Variants in SNX19 observed in about 807,000 individuals in gnomAD.
SNX19 encodes the protein sorting nexin 19.
Under a neutral mutation model 85.2 loss-of-function variants are expected in SNX19, and 60 were observed. The ratio of observed to expected loss-of-function variants is 0.70; its 90% CI spans 0.57 to 0.87. The LOEUF (loss-of-function observed/expected upper bound fraction) is 0.87, where lower values mean the gene tolerates loss of function less well. Among genes scored for constraint, SNX19 ranks in the 40% least tolerant of loss-of-function variants. The pLI is 0.00. For synonymous variants in SNX19, 520 were observed against 470.0 expected, an observed-to-expected ratio of 1.11 and a Z score of -1.38; for missense variants, 1,201 against 1,217.8, an observed-to-expected ratio of 0.99 and a Z score of 0.21.
chr11:130,880,886 C>T (rs933525755), intron 8 of SNX19, 80 bp from the exon 9 acceptor site: 1 of 1,217,604 alleles, frequency 8.2e-7, no homozygotes, highest in Non-Finnish European at 1.1e-6. Flanking sequence ...TGTTTATGTT[C>T]CCCTGCAGAT....
intron 8 of SNX19, chr11:130,895,147 G>A (rs1296694081): frequency 5.1e-6 from 5 of 985,342 alleles, no homozygotes; most frequent in Non-Finnish European, 6.0e-6. Flanking sequence ...TTGTGGAGGG[G>A]CGCTGCACTC....
intron 8 of SNX19, among the ~76,000 whole-genome samples, chr11:130,900,268 T>G (rs2135368014): frequency 6.6e-6 from 1 of 152,326 alleles, no homozygotes; most frequent in East Asian, 1.9e-4. Context: ...GCAGTGCCAC[T>G]GCACTCCAGC....
rs1376767852 is a variant in SNX19, at chr11:130,915,013, T to G, written c.927A>C (p.Ala309=). ...CACTGTAACTTAGGAATACTGGGGC[T>G]GCTACTGGAGAAGCTCTCCCTTCTG... is the stretch of plus-strand genomic sequence containing the variant. ...QLPEGRASPV[A]APVFLSYSEP... is the part of the protein sequence containing the mutation. The change falls in exon 1 of 11, where the codon GCA becomes GCC. Residue 309 remains alanine (A), a synonymous_variant. Transcript: ENST00000265909. The G allele has an allele frequency of 3.7e-6, 6 of 1,614,174 alleles. No homozygotes were observed. The highest frequency in any genetic ancestry group is 5.1e-6 in the Non-Finnish European group (6 of 1,180,014).
Position 130,916,051 on chromosome 11 carries a change from T to G in SNX19, c.-112A>C, listed in dbSNP as rs2074048899. Reference sequence around the variant, plus strand: ...AGATATGGGGCGATCTGGGTGCTGTTCAGGGAACCGGGGCTCCAGGCCCTC... The same window carrying G: ...AGATATGGGGCGATCTGGGTGCTGTGCAGGGAACCGGGGCTCCAGGCCCTC... On this transcript the variant is annotated 5_prime_UTR_variant, in exon 1 of 11. Transcript: ENST00000265909. 1.0e-6 allele frequency: 1 copy of G among 989,180 alleles called. No individual in the cohort carries two copies. The highest frequency in any genetic ancestry group is 1.7e-5 in the South Asian group (1 of 59,702). 61.3% of individuals were successfully genotyped at this position (989,180 alleles called of 1,614,324 possible).
chr11:130,912,435 A>G (rs943763847), intron 1 of SNX19, among the ~76,000 whole-genome samples: 13 of 152,236 alleles, frequency 8.5e-5, no homozygotes, highest in African/African-American at 3.1e-4. Context: ...CTTATATCTC[A>G]TGTTCCCCAA....
At position 130,896,968 on chromosome 11, in the gene SNX19, A is replaced by C. The variant is rs188626276; in HGVS notation, c.2573+6287T>G. 3.1e-4 allele frequency among the ~76,000 whole-genome samples: 47 copies of C among 151,060 alleles called. No individual in the cohort carries two copies. In the East Asian group the frequency reaches 6.5e-3, roughly 21 times the overall value. ...AGCGCCTTGATTCTGGAGCGTTCTA[A>C]GAGAACAGTGGAAGCAAGAGGGTTC... On this transcript the variant is annotated intron_variant, in intron 8 of 10. Coordinates refer to ENST00000265909, the MANE Select transcript of SNX19 (RefSeq NM_014758.3).
At chr11:130,890,970 T>G (rs896603503) in intron 8 of SNX19, among the ~76,000 whole-genome samples, 1 of 150,150 alleles carries the variant, frequency 6.7e-6, no homozygotes, top group Non-Finnish European at 1.5e-5. Flanking sequence ...GGTTACTAAG[T>G]GAATTCATGC....
At position 130,915,918 on chromosome 11, in the gene SNX19, G is replaced by C. The variant is rs1946556859; in HGVS notation, c.22C>G (p.Pro8Ala). Reference protein sequence around the residue: MKTETVPPFQETPAGSSC... With the variant: MKTETVPAFQETPAGSSC... ...GATCCAGCTGGAGTTTCCTGGAACG[G>C]TGGCACTGTTTCTGTCTTCATGGCT... The change falls in exon 1 of 11, where the codon CCG becomes GCG. Residue 8 changes from proline (P) to alanine (A), a missense_variant. Physicochemically the swap from Pro to Ala is conservative, Grantham distance 27. Around this residue, in one of 3 missense-constraint regions of SNX19, gnomAD observed 791 missense variants for 750.9 expected, o/e 1.05. Coordinates refer to ENST00000265909, the MANE Select transcript of SNX19 (RefSeq NM_014758.3). 1 of 1,613,848 alleles carries C rather than the reference G, an allele frequency of 6.2e-7. No homozygotes were observed. The highest frequency in any genetic ancestry group is 8.5e-7 in the Non-Finnish European group (1 of 1,179,866).
intron 8 of SNX19, among the ~76,000 whole-genome samples, chr11:130,898,152 G>GC (rs1555137554): frequency 6.7e-6 from 1 of 148,240 alleles, no homozygotes; most frequent in Non-Finnish European, 1.5e-5. Flanking sequence ...AACTTACTCT[G>GC]TTTTTTTTTT....
In SNX19 at chr11:130,876,915, T is replaced by A. The variant is rs1565499319; in HGVS notation, c.*1507A>T. The A allele has an allele frequency of 6.6e-6, 1 of 152,334 alleles. No individual in the cohort carries two copies. The highest frequency in any genetic ancestry group is 2.1e-4 in the South Asian group (1 of 4,824). 9.4% of individuals were successfully genotyped at this position (152,334 alleles called of 1,614,324 possible). Reference sequence around the variant, plus strand: ...GAATTGCACACCTAAGCCTCCCGAATACATCAGACACAATTTAGGGTTAAA... The same window carrying A: ...GAATTGCACACCTAAGCCTCCCGAAAACATCAGACACAATTTAGGGTTAAA... On this transcript the variant is annotated 3_prime_UTR_variant, in exon 11 of 11. Transcript: ENST00000265909.
At chr11:130,905,524 CA>C (rs1945598449) in intron 7 of SNX19, 3 of 621,472 alleles carry the variant, frequency 4.8e-6, no homozygotes, top group Non-Finnish European at 5.2e-6. Context: ...GACAGCGAGC[CA>C]AAAATCAAGC....
chr11:130,894,839 C>G, intron 8 of SNX19: 2 of 985,448 alleles, frequency 2.0e-6, no homozygotes, highest in Non-Finnish European at 2.4e-6. Context: ...CTCACAAGAT[C>G]TAGCTGTTAT....
chr11:130,907,878 GGTGA>G (rs1411125459), intron 5 of SNX19, 71 bp downstream of exon 5: 1 of 1,587,114 alleles, frequency 6.3e-7, no homozygotes, highest in East Asian at 2.2e-5. Context: ...TTGAGAATAG[GGTGA>G]GTGTTGGCTG....
At position 130,874,553 on chromosome 11, in the gene SNX19, C is replaced by T. The variant is rs1323741444; in HGVS notation, c.*3869G>A. On this transcript the variant is annotated 3_prime_UTR_variant, in exon 11 of 11. Coordinates refer to ENST00000265909, the MANE Select transcript of SNX19 (RefSeq NM_014758.3). ...AGAGGTCTCAGAGTTGCTGAATCAC[C>T]AAACTCCTGGGCTTACCTACTCACG... Among the ~76,000 whole-genome samples the T allele has an allele frequency of 6.6e-6, 1 of 152,186 alleles. No homozygotes were observed. Among genetic ancestry groups the T allele is most frequent in the Non-Finnish European group, 1.5e-5 (1 of 68,034 alleles).
In SNX19 at chr11:130,866,791, G is replaced by C. The variant is rs1047040261; in HGVS notation, c.*11631C>G. ...AGGCTTTAGGTTCATACCTGTATAC[G>C]AAGGATAGTCCTGGTGTGGGGCAGC... is the stretch of plus-strand genomic sequence containing the variant. On this transcript the variant is annotated 3_prime_UTR_variant, in exon 11 of 11. Transcript: ENST00000265909. The C allele has an allele frequency of 6.6e-6, 1 of 152,162 alleles. No homozygotes were observed. Among genetic ancestry groups the C allele is most frequent in the African/African-American group, 2.4e-5 (1 of 41,412 alleles). The allele number at this position is 152,162 out of a possible 1,614,324, so 9.4% of individuals were successfully genotyped here.
rs565437898 is a variant in SNX19 at position 130,905,105 on chromosome 11, G to A, written c.2443+848C>T. ...TCTCAACAGAGGGCTTTATCTTGAT[G>A]GAACTGATATACTTATTTTAAGTTC... On this transcript the variant is annotated intron_variant, in intron 7 of 10. Coordinates refer to ENST00000265909, the MANE Select transcript of SNX19 (RefSeq NM_014758.3). 5.3e-5 allele frequency among the ~76,000 whole-genome samples: 8 copies of A among 152,272 alleles called. No individual in the cohort carries two copies. In the East Asian group the frequency reaches 1.2e-3, roughly 22 times the overall value.
chr11:130,882,103 A>G (rs1368006797), intron 8 of SNX19, among the ~76,000 whole-genome samples: 3 of 152,254 alleles, frequency 2.0e-5, no homozygotes, highest in Non-Finnish European at 2.9e-5. Flanking sequence ...GTTCAGCTGG[A>G]AACCTAGAAA....
Position 130,878,317 on chromosome 11 carries a change from C to T in SNX19, c.*105G>A. The T allele has an allele frequency of 8.1e-6, 11 of 1,350,304 alleles. No individual in the cohort carries two copies. Among genetic ancestry groups the T allele is most frequent in the Non-Finnish European group, 1.0e-5 (10 of 998,798 alleles). The allele number at this position is 1,350,304 out of a possible 1,614,324, so 83.6% of individuals were successfully genotyped here. A position where few individuals can be genotyped will look rare whatever the true frequency, so the allele number is the denominator to read the frequency against. ...GAAGTGAGCCACCGAGAACCTAGGCCTTCTTAGCTGTAGCCTACTTGAAGA... is the reference window on the plus strand; with the variant it reads ...GAAGTGAGCCACCGAGAACCTAGGCTTTCTTAGCTGTAGCCTACTTGAAGA... On this transcript the variant is annotated 3_prime_UTR_variant, in exon 11 of 11. Transcript: ENST00000265909.
chr11:130,907,881 G>A, intron 5 of SNX19, 72 bp downstream of exon 5: 2 of 1,589,928 alleles, frequency 1.3e-6, no homozygotes, highest in Non-Finnish European at 1.7e-6. Flanking sequence ...AGAATAGGGT[G>A]AGTGTTGGCT....
Sources: allele counts gnomAD v4.1 joint callset (sites outside exome capture counted in the v4.1 genomes callset), GRCh38; gene constraint gnomAD v4.1.1; regional missense constraint gnomAD v4.1.1; transcripts MANE v1.5; gene names NCBI Gene and HGNC (gene_info 2026-07-23, HGNC 2026-07-21).